Variants in ZCCHC7 observed in about 807,000 individuals in gnomAD.
The protein encoded by ZCCHC7 is zinc finger CCHC domain-containing protein 7.
In ZCCHC7, 35 loss-of-function variants were observed where a neutral mutation model predicts 52.0. That is an observed-to-expected ratio of 0.67 (90% CI 0.51 to 0.89). The LOEUF is 0.89. ZCCHC7 is among the 40% of genes least tolerant of loss of function. The probability of loss-of-function intolerance (pLI) is 0.00; values close to 1 mark genes in which losing one functional copy is unlikely to be tolerated. For synonymous variants in ZCCHC7, 217 were observed against 221.5 expected, an observed-to-expected ratio of 0.98 and a Z score of 0.18; for missense variants, 574 against 649.1, an observed-to-expected ratio of 0.88 and a Z score of 1.26.
At chr9:37,270,359 A>G (rs540561151) in intron 2 of ZCCHC7, among the ~76,000 whole-genome samples, 1 of 152,270 alleles carries the variant, frequency 6.6e-6, no homozygotes, top group South Asian at 2.1e-4. Flanking sequence ...GAAAAGACTC[A>G]GATACACTAC....
intron 6 of ZCCHC7, 100 bp downstream of exon 6, chr9:37,327,934 GATA>G (rs1830316694): frequency 2.3e-6 from 3 of 1,294,872 alleles, no homozygotes; most frequent in Middle Eastern, 1.9e-4. Flanking sequence ...TCTGCTGGAA[GATA>G]ATAAACATCT....
chr9:37,215,308 AT>A (rs1241532491), intron 2 of ZCCHC7, among the ~76,000 whole-genome samples: 1 of 152,176 alleles, frequency 6.6e-6, no homozygotes, highest in Non-Finnish European at 1.5e-5. Flanking sequence ...CACATTTTTA[AT>A]TTTCAGAACA....
intron 2 of ZCCHC7, among the ~76,000 whole-genome samples, chr9:37,150,799 C>T (rs1380927846): frequency 2.0e-5 from 3 of 152,102 alleles, no homozygotes; most frequent in South Asian, 4.1e-4. Flanking sequence ...TTTAAAATTA[C>T]AGAATATTGT....
At chr9:37,338,755 G>A (rs772458255) in intron 6 of ZCCHC7, among the ~76,000 whole-genome samples, 1 of 151,750 alleles carries the variant, frequency 6.6e-6, no homozygotes, top group Non-Finnish European at 1.5e-5. Context: ...TCACGACCTC[G>A]ACTAATTACT....
At chr9:37,302,105 TA>T in intron 2 of ZCCHC7, 82 bp from the exon 3 acceptor site, 1 of 1,100,162 alleles carries the variant, frequency 9.1e-7, no homozygotes, top group Non-Finnish European at 1.4e-6. Flanking sequence ...CCAATTTGAG[TA>T]CTCATAAATT....
intron 2 of ZCCHC7, among the ~76,000 whole-genome samples, chr9:37,269,538 G>A (rs1827283191): frequency 7.3e-6 from 1 of 137,924 alleles, no homozygotes; most frequent in Admixed American, 8.1e-5. Flanking sequence ...AGGATCGCTT[G>A]AACTGGGGAG....
intron 2 of ZCCHC7, among the ~76,000 whole-genome samples, chr9:37,255,023 C>T (rs1384811690): frequency 1.3e-5 from 2 of 151,570 alleles, no homozygotes; most frequent in Non-Finnish European, 2.9e-5. Context: ...TGTAGTCTAC[C>T]CTTATCTTTA....
At chr9:37,290,621 T>C (rs968737794) in intron 2 of ZCCHC7, among the ~76,000 whole-genome samples, 3 of 152,124 alleles carry the variant, frequency 2.0e-5, no homozygotes, top group African/African-American at 4.8e-5. Context: ...GATGGGGCTG[T>C]TGTACTCCAG....
intron 2 of ZCCHC7, among the ~76,000 whole-genome samples, chr9:37,261,504 G>A (rs1050947547): frequency 3.9e-5 from 6 of 152,160 alleles, no homozygotes; most frequent in Non-Finnish European, 7.3e-5. Flanking sequence ...CCTAACTGAT[G>A]TGCCACATCT....
At chr9:37,143,606 A>T (rs1843320336) in intron 2 of ZCCHC7, among the ~76,000 whole-genome samples, 1 of 151,666 alleles carries the variant, frequency 6.6e-6, no homozygotes, top group African/African-American at 2.4e-5. Context: ...CCGCCACCTA[A>T]CAGGTGGAAA....
chr9:37,147,886 T>C (rs1361434155), intron 2 of ZCCHC7, among the ~76,000 whole-genome samples: 2 of 152,090 alleles, frequency 1.3e-5, no homozygotes, highest in African/African-American at 4.8e-5. Flanking sequence ...TGGAGGTTGA[T>C]TGAAAGGGAG....
rs757853730 is a variant in ZCCHC7 at position 37,211,247 on chromosome 9, TA to T, written c.610+84308del. Among the ~76,000 whole-genome samples, 57 of 152,348 alleles carry T rather than the reference TA, an allele frequency of 3.7e-4. 1 individual carries two copies. Among genetic ancestry groups the T allele is most frequent in the Non-Finnish European group, 7.8e-4 (53 of 68,032 alleles). On this transcript the variant is annotated intron_variant, in intron 2 of 8. Transcript: ENST00000336755. ...CAGATTTTTACAAATGTTAGAAATG[TA>T]AAGTCTTGAATTGGGTCATAATTTT...
intron 2 of ZCCHC7, among the ~76,000 whole-genome samples, chr9:37,280,691 T>G (rs1218878614): frequency 6.6e-6 from 1 of 152,154 alleles, no homozygotes; most frequent in Non-Finnish European, 1.5e-5. Flanking sequence ...TTAAACTTTT[T>G]TTTGTTACTG....
chr9:37,306,838 A>G (rs1237030762), intron 5 of ZCCHC7, among the ~76,000 whole-genome samples: 2 of 114,300 alleles, frequency 1.7e-5, no homozygotes, highest in Admixed American at 2.4e-4. Flanking sequence ...CGGTGGCTAG[A>G]GTGCAGTGGC....
chr9:37,230,886 A>G (rs1201166548), intron 2 of ZCCHC7, among the ~76,000 whole-genome samples: 1 of 151,976 alleles, frequency 6.6e-6, no homozygotes, highest in African/African-American at 2.4e-5. Context: ...AAATTACTCT[A>G]GACTTTTTTT....
rs760783608 is a variant in ZCCHC7, at chr9:37,357,252, GA to G, written c.1625del (p.Lys542SerfsTer9). ...DNDNLFLIKQRKKKS is the reference protein window; with the variant it reads ...DNDNLFLIKQXKKKS ...GATAACTTATTTCTTATTAAGCAGAGAAAAAAAAAGTCTTAAGCCGTCAGGC... is the reference window on the plus strand; with the variant it reads ...GATAACTTATTTCTTATTAAGCAGAGAAAAAAAAGTCTTAAGCCGTCAGGC... On this transcript the variant is annotated frameshift_variant, in exon 9 of 9. Coordinates refer to ENST00000336755, the MANE Select transcript of ZCCHC7 (RefSeq NM_032226.3). LOFTEE classifies it high-confidence loss of function. 43 of 1,580,514 alleles carry G rather than the reference GA, an allele frequency of 2.7e-5. No homozygotes were observed. Among genetic ancestry groups the G allele is most frequent in the African/African-American group, 1.5e-4 (11 of 72,418 alleles).
chr9:37,238,984 A>T (rs191064815), intron 2 of ZCCHC7, among the ~76,000 whole-genome samples: 137 of 152,052 alleles, frequency 9.0e-4, no homozygotes, highest in African/African-American at 3.0e-3. Flanking sequence ...ATAGCTTAGG[A>T]CTCTATATAG....
At chr9:37,237,758 T>C (rs771603652) in intron 2 of ZCCHC7, among the ~76,000 whole-genome samples, 31 of 152,290 alleles carry the variant, frequency 2.0e-4, no homozygotes, top group Admixed American at 7.2e-4. Flanking sequence ...GAGAGCACAA[T>C]CAGTTTCTCC....
rs1035928344 is a variant in ZCCHC7 at position 37,140,802 on chromosome 9, A to G, written c.610+13860A>G. On this transcript the variant is annotated intron_variant, in intron 2 of 8. Coordinates refer to ENST00000336755, the MANE Select transcript of ZCCHC7 (RefSeq NM_032226.3). ...AATTCAACTCTGTGATTGTGCCACC[A>G]GTTAGGTTAACATCAGCAGTGAAGG... 4.6e-5 allele frequency among the ~76,000 whole-genome samples: 7 copies of G among 152,134 alleles called. 1 individual carries two copies. The highest frequency in any genetic ancestry group is 1.0e-4 in the Non-Finnish European group (7 of 67,888).
Sources: gnomAD v4.1 joint callset for allele counts (sites outside exome capture counted in the v4.1 genomes callset) on GRCh38, gnomAD v4.1.1 for gene constraint, MANE v1.5 for transcripts, NCBI Gene and HGNC (gene_info 2026-07-23, HGNC 2026-07-21) for gene names.